FBXL20: variants seen among roughly 807,000 people sequenced by gnomAD.
The protein encoded by FBXL20 is F-box and leucine rich repeat protein 20.
Under a neutral mutation model 64.0 loss-of-function variants are expected in FBXL20, and 11 were observed. The observed-to-expected ratio is 0.17, with a 90% CI of 0.11 to 0.28. The LOEUF (loss-of-function observed/expected upper bound fraction) is 0.28. Among genes scored for constraint, FBXL20 ranks in the 10% least tolerant of loss-of-function variants. The pLI, the probability that FBXL20 is intolerant of heterozygous loss-of-function variation, is 1.00. For missense variants in FBXL20, 303 were observed against 526.2 expected (o/e 0.58, Z 4.15); for synonymous variants, 184 against 189.0 (o/e 0.97, Z 0.22).
chr17:39,339,762 G>GTAA (rs1241743861), intron 2 of FBXL20, among the ~76,000 whole-genome samples: 2 of 151,738 alleles, frequency 1.3e-5, no homozygotes, highest in South Asian at 2.1e-4. Flanking sequence ...CCCTGTCTCA[G>GTAA]CCTCCCGAGT....
At chr17:39,338,509 C>T (rs913950465) in intron 2 of FBXL20, among the ~76,000 whole-genome samples, 2 of 150,080 alleles carry the variant, frequency 1.3e-5, no homozygotes, top group Non-Finnish European at 2.9e-5. Flanking sequence ...TCCCCCTCTG[C>T]GAGAAACACC....
chr17:39,351,404 C>A (rs1156244812), intron 1 of FBXL20, among the ~76,000 whole-genome samples: 1 of 151,304 alleles, frequency 6.6e-6, no homozygotes, highest in East Asian at 1.9e-4. Context: ...CTAGGAAACC[C>A]AAATGGTTCC....
rs368094288 is a variant in FBXL20, at chr17:39,315,868, A to AGAGAGG, written c.105-12230_105-12229insCCTCTC. On this transcript the variant is annotated intron_variant, in intron 2 of 14. Coordinates refer to ENST00000264658, the MANE Select transcript of FBXL20 (RefSeq NM_032875.3). ...GAGAGAGAGAGAGAGAGAGAGAGAG[A>AGAGAGG]GAGCAACTGTAGAGCGAAATTGGTT... Among the ~76,000 whole-genome samples the AGAGAGG allele has an allele frequency of 3.8e-3, 546 of 144,588 alleles. 1 individual carries two copies. Among genetic ancestry groups the AGAGAGG allele is most frequent in the Middle Eastern group, 6.9e-3 (2 of 288 alleles). The allele number at this position is 144,588 out of a possible 152,430, so 94.9% of individuals were successfully genotyped here.
intron 1 of FBXL20, among the ~76,000 whole-genome samples, chr17:39,345,870 T>C (rs1194830342): frequency 6.6e-6 from 1 of 152,124 alleles, no homozygotes; most frequent in Non-Finnish European, 1.5e-5. Flanking sequence ...ATAACCTACG[T>C]TCCAGATAAA....
chr17:39,380,727 C>T (rs949388028), intron 1 of FBXL20, among the ~76,000 whole-genome samples: 2 of 152,084 alleles, frequency 1.3e-5, no homozygotes, highest in African/African-American at 4.8e-5. Context: ...GACTTTTTGT[C>T]CACTTTTATA....
At chr17:39,367,385 C>G (rs1174214187) in intron 1 of FBXL20, among the ~76,000 whole-genome samples, 3 of 149,732 alleles carry the variant, frequency 2.0e-5, no homozygotes, top group Non-Finnish European at 4.4e-5. Flanking sequence ...GGCGCAATCT[C>G]GGCTCACTGC....
intron 9 of FBXL20, among the ~76,000 whole-genome samples, chr17:39,276,836 C>T (rs1333865775): frequency 1.3e-5 from 2 of 152,184 alleles, no homozygotes; most frequent in Non-Finnish European, 2.9e-5. Context: ...CCTACAGTCC[C>T]AGCTACTCAG....
chr17:39,372,717 G>C (rs2047930649), intron 1 of FBXL20, among the ~76,000 whole-genome samples: 1 of 150,228 alleles, frequency 6.7e-6, no homozygotes, highest in Non-Finnish European at 1.5e-5. Flanking sequence ...CCAGGTTTGA[G>C]CAATTCTCCT....
intron 8 of FBXL20, among the ~76,000 whole-genome samples, chr17:39,281,965 T>G (rs991811344): frequency 1.3e-5 from 2 of 152,208 alleles, no homozygotes; most frequent in Admixed American, 6.5e-5. Context: ...TTCCAATCAG[T>G]ATTTTTCAGG....
At chr17:39,389,717 C>T (rs550918871) in intron 1 of FBXL20, among the ~76,000 whole-genome samples, 1 of 152,256 alleles carries the variant, frequency 6.6e-6, no homozygotes, top group East Asian at 1.9e-4. Context: ...ACTCAGGAGG[C>T]TGAGGCAGGA....
In FBXL20 at chr17:39,298,503, G is replaced by C. The variant is rs367662616; in HGVS notation, c.329+487C>G. 8.0e-4 allele frequency among the ~76,000 whole-genome samples: 122 copies of C among 152,232 alleles called. 1 individual carries two copies. Among genetic ancestry groups the C allele is most frequent in the African/African-American group, 2.9e-3 (119 of 41,542 alleles). Reference sequence around the variant, plus strand: ...GGAGGCTGAGGCAAGAGGACTGCTTGAGTGCAAGAGTTCGAGACCAGCCTG... The same window carrying C: ...GGAGGCTGAGGCAAGAGGACTGCTTCAGTGCAAGAGTTCGAGACCAGCCTG... On this transcript the variant is annotated intron_variant, in intron 5 of 14. Transcript: ENST00000264658.
Position 39,368,885 on chromosome 17 carries a change from C to G in FBXL20, c.43-25644G>C, listed in dbSNP as rs544014025. Among the ~76,000 whole-genome samples the G allele has an allele frequency of 5.3e-5, 8 of 152,154 alleles. No individual in the cohort carries two copies. The East Asian group carries it at 1.5e-3, about 29-fold the overall frequency. On this transcript the variant is annotated intron_variant, in intron 1 of 14. Transcript: ENST00000264658. The stretch of plus-strand genomic sequence containing the variant: ...TTAGCCAGGATGGTCTCGATCTCCT[C>G]ACCTCGTGATCTGCCCACTTCGGCC...
intron 2 of FBXL20, among the ~76,000 whole-genome samples, chr17:39,312,164 C>G (rs559368395): frequency 4.9e-4 from 75 of 152,222 alleles, no homozygotes; most frequent in Admixed American, 1.2e-3. Flanking sequence ...CGCCTGTAAT[C>G]CCAGCACTTT....
At chr17:39,401,925 GGCGGATGCGAGTGCGCGCGTGCTC>G, upstream of FBXL20, 1 of 424,004 alleles carries the variant, frequency 2.4e-6, no homozygotes, top group Non-Finnish European at 3.9e-6. Flanking sequence ...GGGTCTGTGG[GGCGGATGCGAGTGCGCGCGTGCTC>G]GCGGACCAGC....
chr17:39,358,485 C>A (rs139818184), intron 1 of FBXL20, among the ~76,000 whole-genome samples: 5,613 of 152,164 alleles, frequency 0.037, 167 homozygotes, highest in Non-Finnish European at 0.06. Context: ...GAGTTTGAGA[C>A]CAGCCTGGCC....
chr17:39,306,030 T>C (rs554561245), intron 2 of FBXL20, among the ~76,000 whole-genome samples: 5 of 152,004 alleles, frequency 3.3e-5, no homozygotes, highest in South Asian at 2.1e-4. Context: ...CCAGGCATGC[T>C]GGTATATGCC....
At chr17:39,355,964 C>G (rs1315830929) in intron 1 of FBXL20, among the ~76,000 whole-genome samples, 1 of 151,388 alleles carries the variant, frequency 6.6e-6, no homozygotes, top group South Asian at 2.1e-4. Context: ...ACCTGTAATC[C>G]CAGCACTTTG....
chr17:39,338,278 C>A (rs970769797), intron 2 of FBXL20, among the ~76,000 whole-genome samples: 8 of 152,206 alleles, frequency 5.3e-5, no homozygotes, highest in Non-Finnish European at 7.3e-5. Flanking sequence ...TGTGTCCACT[C>A]AGGGTTAAAT....
intron 1 of FBXL20, among the ~76,000 whole-genome samples, chr17:39,368,018 T>C (rs1200323264): frequency 1.3e-5 from 2 of 152,012 alleles, no homozygotes; most frequent in Non-Finnish European, 1.5e-5. Context: ...CCTCCAGTGA[T>C]CCGCTGGACT....
Sources: gnomAD v4.1 joint callset for allele counts (sites outside exome capture counted in the v4.1 genomes callset) on GRCh38, gnomAD v4.1.1 for gene constraint, MANE v1.5 for transcripts, NCBI Gene and HGNC (gene_info 2026-07-23, HGNC 2026-07-21) for gene names.